Variants in CSMD1 observed in about 807,000 individuals in gnomAD.
The protein encoded by CSMD1 is CUB and Sushi multiple domains 1.
CSMD1 carries 213 observed loss-of-function variants against 417.5 expected under a neutral mutation model. That is an observed-to-expected ratio of 0.51 (90% CI 0.46 to 0.57). CSMD1 has a LOEUF of 0.57. Ranked by LOEUF, CSMD1 falls within the 20% of genes least tolerant of loss-of-function variation. The probability of loss-of-function intolerance (pLI) is 0.00; values close to 1 mark genes in which losing one functional copy is unlikely to be tolerated. For missense variants in CSMD1, 6,923 were observed against 4,529.7 expected (o/e 1.53, Z -15.17); for synonymous variants, 2,862 against 1,736.8 (o/e 1.65, Z -16.11).
At chr8:3,342,702 C>A (rs943887174) in intron 23 of CSMD1, among the ~76,000 whole-genome samples, 6 of 152,140 alleles carry the variant, frequency 3.9e-5, no homozygotes, top group South Asian at 2.1e-4. Context: ...GCACCGATAA[C>A]TGGGAGCTAC....
chr8:4,948,309 TTTTG>T (rs989344007), intron 1 of CSMD1, among the ~76,000 whole-genome samples: 1 of 152,082 alleles, frequency 6.6e-6, no homozygotes. Flanking sequence ...ATAGTTGTTA[TTTTG>T]TTTTCCTTTT....
chr8:3,600,904 G>C (rs1057211821), intron 8 of CSMD1, among the ~76,000 whole-genome samples: 1 of 152,142 alleles, frequency 6.6e-6, no homozygotes, highest in South Asian at 2.1e-4. Context: ...TAAAAAAATG[G>C]TTTTGCTATG....
intron 51 of CSMD1, among the ~76,000 whole-genome samples, chr8:3,022,711 A>G (rs1436881282): frequency 6.6e-6 from 1 of 151,556 alleles, no homozygotes; most frequent in Non-Finnish European, 1.5e-5. Context: ...ATGAACATGC[A>G]GACCTCCATG....
At chr8:3,543,656 C>G (rs973226946) in intron 10 of CSMD1, among the ~76,000 whole-genome samples, 1 of 151,304 alleles carries the variant, frequency 6.6e-6, no homozygotes, top group Non-Finnish European at 1.5e-5. Context: ...AAAAGAATTG[C>G]CATTTTCTAA....
intron 3 of CSMD1, among the ~76,000 whole-genome samples, chr8:4,294,162 G>A (rs1797537245): frequency 6.6e-6 from 1 of 152,182 alleles, no homozygotes; most frequent in South Asian, 2.1e-4. Flanking sequence ...AGCAGCCACT[G>A]TAAGATGCCA....
intron 3 of CSMD1, among the ~76,000 whole-genome samples, chr8:4,131,570 T>G (rs76828783): frequency 6.6e-6 from 1 of 152,162 alleles, no homozygotes. Context: ...TTTTCTCATA[T>G]ATTGATAAAC....
At chr8:4,791,873 C>G (rs1295024569) in intron 1 of CSMD1, among the ~76,000 whole-genome samples, 5 of 151,794 alleles carry the variant, frequency 3.3e-5, no homozygotes, top group Non-Finnish European at 7.4e-5. Flanking sequence ...ATTTTTTTAG[C>G]TTGCATTCAG....
chr8:3,479,808 G>T (rs1370890966), intron 11 of CSMD1, among the ~76,000 whole-genome samples: 2 of 151,812 alleles, frequency 1.3e-5, no homozygotes, highest in Non-Finnish European at 1.5e-5. Context: ...GGATTTTAAA[G>T]CCAGGTCGCT....
At chr8:3,463,893 C>G (rs566310576) in intron 12 of CSMD1, among the ~76,000 whole-genome samples, 1 of 152,296 alleles carries the variant, frequency 6.6e-6, no homozygotes, top group African/African-American at 2.4e-5. Context: ...CCCATACACC[C>G]TAGGAGCACA....
At chr8:4,903,196 G>C (rs1805010448) in intron 1 of CSMD1, among the ~76,000 whole-genome samples, 1 of 152,060 alleles carries the variant, frequency 6.6e-6, no homozygotes, top group Non-Finnish European at 1.5e-5. Context: ...TTGTTATTTA[G>C]TTTTAAAACA....
intron 27 of CSMD1, among the ~76,000 whole-genome samples, chr8:3,227,272 G>C (rs1263937714): frequency 2.0e-5 from 3 of 151,748 alleles, no homozygotes; most frequent in Non-Finnish European, 4.4e-5. Context: ...TTGGTGGTGG[G>C]CGCCTGTAAT....
intron 7 of CSMD1, among the ~76,000 whole-genome samples, chr8:3,635,812 A>AAAAAAAAG (rs1554495065): frequency 6.8e-5 from 8 of 117,542 alleles, no homozygotes; most frequent in African/African-American, 1.3e-4. Context: ...AAAAAAAAAA[A>AAAAAAAAG]AAAGAAAGAA....
chr8:3,978,531 G>A (rs1170184303), intron 5 of CSMD1, among the ~76,000 whole-genome samples: 1 of 152,100 alleles, frequency 6.6e-6, no homozygotes, highest in Non-Finnish European at 1.5e-5. Context: ...ACACACTTAT[G>A]TGAGTTTGGC....
At chr8:3,946,759 G>C (rs893578272) in intron 5 of CSMD1, among the ~76,000 whole-genome samples, 2 of 152,034 alleles carry the variant, frequency 1.3e-5, no homozygotes, top group African/African-American at 2.4e-5. Context: ...ATGTTTTACA[G>C]TTTCAGCATG....
At position 4,142,458 on chromosome 8, in the gene CSMD1, G is replaced by C. The variant is rs577098059; in HGVS notation, c.416-110359C>G. On this transcript the variant is annotated intron_variant, in intron 3 of 69. Coordinates refer to ENST00000635120, the MANE Select transcript of CSMD1 (RefSeq NM_033225.6). Reference sequence around the variant, plus strand: ...AACTAGTTTCCCTCTACTCCTCTGAGAATAATCTACCTTGTTATTTGCTAA... The same window carrying C: ...AACTAGTTTCCCTCTACTCCTCTGACAATAATCTACCTTGTTATTTGCTAA... 5.3e-5 allele frequency among the ~76,000 whole-genome samples: 8 copies of C among 151,162 alleles called. 1 individual carries two copies. Among genetic ancestry groups the C allele is most frequent in the African/African-American group, 2.0e-4 (8 of 40,472 alleles).
chr8:4,469,098 A>C (rs541253010), intron 2 of CSMD1, among the ~76,000 whole-genome samples: 157 of 152,306 alleles, frequency 1.0e-3, no homozygotes, highest in Non-Finnish European at 1.8e-3. Flanking sequence ...ACCTGTTTGA[A>C]GAGTTTGGTG....
intron 67 of CSMD1, 73 bp downstream of exon 67, chr8:2,950,158 G>T (rs1052684588): frequency 2.0e-6 from 2 of 983,656 alleles, no homozygotes; most frequent in Non-Finnish European, 3.2e-6. Flanking sequence ...CCTCCAATCC[G>T]TAGCCCTTGC....
At chr8:3,275,493 A>G (rs1028124185) in intron 26 of CSMD1, among the ~76,000 whole-genome samples, 1 of 152,002 alleles carries the variant, frequency 6.6e-6, no homozygotes, top group Non-Finnish European at 1.5e-5. Flanking sequence ...TAGATTGGGG[A>G]AGTTCTCCTG....
intron 3 of CSMD1, among the ~76,000 whole-genome samples, chr8:4,135,819 A>G (rs972891119): frequency 6.6e-6 from 1 of 152,196 alleles, no homozygotes; most frequent in Non-Finnish European, 1.5e-5. Flanking sequence ...TTTTTAAACA[A>G]TGGGATAGAT....
Sources: allele counts gnomAD v4.1 joint callset (sites outside exome capture counted in the v4.1 genomes callset), GRCh38; gene constraint gnomAD v4.1.1; transcripts MANE v1.5; gene names NCBI Gene and HGNC (gene_info 2026-07-23, HGNC 2026-07-21).